RAD51AP2: variants seen among roughly 807,000 people sequenced by gnomAD.
The protein encoded by RAD51AP2 is RAD51 associated protein 2, also known as RAD51-associated protein 2.
A neutral mutation model predicts 85.5 loss-of-function variants in RAD51AP2; 67 were observed. The observed-to-expected ratio is 0.78, with a 90% CI of 0.64 to 0.96. The LOEUF is 0.96. RAD51AP2 is among the 40% of genes least tolerant of loss of function. RAD51AP2 has a pLI of 0.00. For synonymous variants in RAD51AP2, 474 were observed against 446.5 expected (o/e 1.06, Z -0.78); for missense variants, 1,307 against 1,332.4 (o/e 0.98, Z 0.30).
At chr2:17,533,052 A>G in the RAD51AP2 span, among the ~76,000 whole-genome samples, 6 of 152,194 alleles carry the variant, frequency 3.9e-5, no homozygotes, top group Non-Finnish European at 8.8e-5. Flanking sequence ...CAACTCTTCC[A>G]AATTCCTTTT....
the RAD51AP2 span, among the ~76,000 whole-genome samples, chr2:17,534,117 C>T: frequency 6.6e-6 from 1 of 152,054 alleles, no homozygotes; most frequent in Non-Finnish European, 1.5e-5. Flanking sequence ...AGTTTTGAGG[C>T]AAAATGTATA....
upstream of RAD51AP2, among the ~76,000 whole-genome samples, chr2:17,521,193 G>C (rs1662848782): frequency 1.3e-5 from 2 of 152,042 alleles, no homozygotes; most frequent in Admixed American, 1.3e-4. Context: ...ATGGTGTCTT[G>C]AAAGTGCCTT....
At chr2:17,536,852 T>G in the RAD51AP2 span, among the ~76,000 whole-genome samples, 2 of 152,178 alleles carry the variant, frequency 1.3e-5, no homozygotes, top group South Asian at 4.1e-4. Flanking sequence ...GGTCTTGCAT[T>G]TTTTTCAGTA....
Position 17,516,190 on chromosome 2 carries a change from T to C in RAD51AP2, c.2226A>G (p.Ile742Met). 6 of 1,613,304 alleles carry C rather than the reference T, an allele frequency of 3.7e-6. No individual in the cohort carries two copies. Among genetic ancestry groups the C allele is most frequent in the Non-Finnish European group, 5.1e-6 (6 of 1,179,544 alleles). ...CATTAATGTATCCTCGGTTGTTCTG[T>C]ATAAATTGAGGACAAGAATTACCAT... ...KAHGNSCPQF[I>M]QNNRGYINEN... Residue 742 changes from isoleucine to methionine, a missense_variant, in exon 1 of 3, where the codon ATA becomes ATG. Ile to Met is a conservative substitution (Grantham distance 10, BLOSUM62 1). Coordinates refer to ENST00000399080, the MANE Select transcript of RAD51AP2 (RefSeq NM_001099218.3).
chr2:17,511,819 T>C (rs1004232728), intron 2 of RAD51AP2, among the ~76,000 whole-genome samples: 2 of 152,206 alleles, frequency 1.3e-5, no homozygotes, highest in Non-Finnish European at 2.9e-5. Flanking sequence ...TTAAGCTACA[T>C]GTATAATAAA....
chr2:17,522,420 C>A (rs1443896379), upstream of RAD51AP2, among the ~76,000 whole-genome samples: 1 of 151,888 alleles, frequency 6.6e-6, no homozygotes, highest in Non-Finnish European at 1.5e-5. Context: ...ATCTTTAGAC[C>A]CCTACAGTTT....
chr2:17,523,847 G>A, the RAD51AP2 span, among the ~76,000 whole-genome samples: 1 of 151,854 alleles, frequency 6.6e-6, no homozygotes, highest in African/African-American at 2.4e-5. Context: ...TCATTATCTA[G>A]GACAGAGTAT....
the RAD51AP2 span, among the ~76,000 whole-genome samples, chr2:17,536,061 AG>A: frequency 2.7e-5 from 4 of 148,974 alleles, no homozygotes; most frequent in South Asian, 2.1e-4. Context: ...GTTGTCTCTG[AG>A]GGGGCATAGA....
In RAD51AP2 at chr2:17,517,871, C is replaced by T. The variant is rs762487524; in HGVS notation, c.545G>A (p.Gly182Glu). 1.2e-6 allele frequency: 2 copies of T among 1,614,066 alleles called. No individual in the cohort carries two copies. Among genetic ancestry groups the T allele is most frequent in the South Asian group, 2.2e-5 (2 of 91,076 alleles). The change falls in exon 1 of 3, where the codon GGA becomes GAA. Residue 182 changes from glycine to glutamate, a missense_variant. Gly to Glu is a moderately conservative substitution (Grantham distance 98, BLOSUM62 -2). Around this residue, in one of 3 missense-constraint regions of RAD51AP2, gnomAD observed 635 missense variants for 643.6 expected, o/e 0.99. Transcript: ENST00000399080. Reference sequence around the variant, plus strand: ...ATTTTCTTTGTGAACATTGTCTCTTCCTTGGACAAACTGTTGTTTTCGATT... The same window carrying T: ...ATTTTCTTTGTGAACATTGTCTCTTTCTTGGACAAACTGTTGTTTTCGATT... ...NENRKQQFVQ[G>E]RDNVHKENPF...
chr2:17,531,591 T>C, the RAD51AP2 span, among the ~76,000 whole-genome samples: 1 of 152,210 alleles, frequency 6.6e-6, no homozygotes, highest in Non-Finnish European at 1.5e-5. Flanking sequence ...TACAGTGCTA[T>C]TAATACTGAA....
At position 17,515,180 on chromosome 2, in the gene RAD51AP2, G is replaced by T. The variant is rs1383807350; in HGVS notation, c.3236C>A (p.Thr1079Asn). 3 of 1,567,674 alleles carry T rather than the reference G, an allele frequency of 1.9e-6. No individual in the cohort carries two copies. In the African/African-American group the frequency reaches 4.1e-5, roughly 22 times the overall value. The change falls in exon 1 of 3, where the codon ACT (threonine) becomes AAT (asparagine). Residue 1079 changes from threonine to asparagine, a missense_variant. By Grantham distance (65) the Thr-to-Asn change is moderately conservative (BLOSUM62 0). Around this residue, in one of 3 missense-constraint regions of RAD51AP2, gnomAD observed 668 missense variants for 671.0 expected, o/e 1.00. Coordinates refer to ENST00000399080, the MANE Select transcript of RAD51AP2 (RefSeq NM_001099218.3). ...AATGAATTTCATACCTTTCTCAGAAGTAGAGTAAAGTAATTCTTCCTCTGA... is the reference window on the plus strand; with the variant it reads ...AATGAATTTCATACCTTTCTCAGAATTAGAGTAAAGTAATTCTTCCTCTGA... ...SRSEEELLYS[T>N]SEKDCETPLP...
chr2:17,524,377 C>G, the RAD51AP2 span, among the ~76,000 whole-genome samples: 1 of 151,822 alleles, frequency 6.6e-6, no homozygotes, highest in Non-Finnish European at 1.5e-5. Context: ...TAGTTTATTT[C>G]AGTATAATAG....
At position 17,510,770 on chromosome 2, in the gene RAD51AP2, T is replaced by C. The variant is rs1386764040; in HGVS notation, c.*34A>G. 7.0e-7 allele frequency: 1 copy of C among 1,430,244 alleles called. No individual in the cohort carries two copies. Among genetic ancestry groups the C allele is most frequent in the Admixed American group, 2.2e-5 (1 of 46,364 alleles). The allele number at this position is 1,430,244 out of a possible 1,614,324, so 88.6% of individuals were successfully genotyped here. A position where few individuals can be genotyped will look rare whatever the true frequency, so the allele number is the denominator to read the frequency against. ...ATATATCCAAAGAAAACAAAACATT[T>C]CTAGATGTTGTAAAATGTTTTGAAA... On this transcript the variant is annotated 3_prime_UTR_variant, in exon 3 of 3. Transcript: ENST00000399080.
At chr2:17,526,765 C>T in the RAD51AP2 span, among the ~76,000 whole-genome samples, 1 of 152,096 alleles carries the variant, frequency 6.6e-6, no homozygotes, top group African/African-American at 2.4e-5. Flanking sequence ...AAACCCTCTA[C>T]AAGAAAGGCA....
the RAD51AP2 span, among the ~76,000 whole-genome samples, chr2:17,526,237 C>T: frequency 4.0e-5 from 6 of 151,630 alleles, no homozygotes; most frequent in East Asian, 1.9e-4. Context: ...AAATCTCTGT[C>T]GGGTGCAAAC....
chr2:17,526,787 G>C, the RAD51AP2 span, among the ~76,000 whole-genome samples: 1 of 152,058 alleles, frequency 6.6e-6, no homozygotes, highest in South Asian at 2.1e-4. Context: ...ACAAGAAAAG[G>C]ATAAGAGTTT....
the RAD51AP2 span, among the ~76,000 whole-genome samples, chr2:17,533,533 T>C: frequency 2.4e-4 from 37 of 152,350 alleles, no homozygotes; most frequent in African/African-American, 8.7e-4. Context: ...TTTCTTCTAA[T>C]GTGATTGTAA....
rs781514390 is a variant in RAD51AP2, at chr2:17,516,808, C to A, written c.1608G>T (p.Leu536Phe). ...TTATACCAATTTGCTTTTTACACTTCAAAATGTTACAGCAGGTTAAAATAC... is the reference window on the plus strand; with the variant it reads ...TTATACCAATTTGCTTTTTACACTTAAAAATGTTACAGCAGGTTAAAATAC... ...DNSILTCCNILKCKKQIGIIG... is the reference protein window; with the variant it reads ...DNSILTCCNIFKCKKQIGIIG... Residue 536 changes from leucine (L) to phenylalanine (F), a missense_variant, in exon 1 of 3, where the codon TTG becomes TTT. Leu to Phe is a conservative substitution (Grantham distance 22). Transcript: ENST00000399080. The A allele has an allele frequency of 6.5e-7, 1 of 1,549,994 alleles. No homozygotes were observed. Among genetic ancestry groups the A allele is most frequent in the South Asian group, 1.2e-5 (1 of 81,984 alleles).
At chr2:17,533,873 C>T in the RAD51AP2 span, among the ~76,000 whole-genome samples, 1 of 152,180 alleles carries the variant, frequency 6.6e-6, no homozygotes, top group Non-Finnish European at 1.5e-5. Context: ...TATGATTGTA[C>T]CATTGCACTC....
Sources: gnomAD v4.1 joint callset for allele counts (sites outside exome capture counted in the v4.1 genomes callset) on GRCh38, gnomAD v4.1.1 for gene constraint, gnomAD v4.1.1 regional missense constraint, MANE v1.5 for transcripts, NCBI Gene and HGNC (gene_info 2026-07-23, HGNC 2026-07-21) for gene names.